WDR72: variants seen among roughly 807,000 people sequenced by gnomAD.
WDR72 encodes WD repeat domain 72, also known as WD repeat-containing protein 72.
A neutral mutation model predicts 124.2 loss-of-function variants in WDR72; 120 were observed. The ratio of observed to expected loss-of-function variants is 0.97; its 90% CI spans 0.83 to 1.12. The LOEUF (loss-of-function observed/expected upper bound fraction) is 1.12, where lower values mean the gene tolerates loss of function less well. WDR72 is among the 50% of genes most tolerant of loss of function. The pLI is 0.00. For missense variants in WDR72, 1,387 were observed against 1,278.8 expected, an observed-to-expected ratio of 1.08 and a Z score of -1.29; for synonymous variants, 452 against 441.7, an observed-to-expected ratio of 1.02 and a Z score of -0.29.
chr15:53,521,512 T>C (rs914190980), intron 19 of WDR72, among the ~76,000 whole-genome samples: 2 of 152,108 alleles, frequency 1.3e-5, no homozygotes, highest in Admixed American at 6.6e-5. Context: ...TGATGTCCGA[T>C]GTATAGAACG....
chr15:53,551,511 G>A (rs1893727341), intron 18 of WDR72, among the ~76,000 whole-genome samples: 1 of 152,040 alleles, frequency 6.6e-6, no homozygotes, highest in Non-Finnish European at 1.5e-5. Context: ...ATGCGTAAAG[G>A]AAGAAAGTCA....
At chr15:53,540,666 C>G (rs544175111) in intron 18 of WDR72, among the ~76,000 whole-genome samples, 8 of 152,088 alleles carry the variant, frequency 5.3e-5, no homozygotes, top group African/African-American at 1.9e-4. Flanking sequence ...ACGAACAGCT[C>G]CGGTCTACAG....
chr15:53,727,473 C>G (rs1341346845), intron 2 of WDR72, among the ~76,000 whole-genome samples: 2 of 150,962 alleles, frequency 1.3e-5, no homozygotes, highest in Non-Finnish European at 1.5e-5. Context: ...TGTTGTCAGA[C>G]TAACTTTTTA....
At position 53,585,901 on chromosome 15, in the gene WDR72, C is replaced by T. The variant is rs533422366; in HGVS notation, c.3148+11178G>A. On this transcript the variant is annotated intron_variant, in intron 18 of 19. Coordinates refer to ENST00000360509, the MANE Select transcript of WDR72 (RefSeq NM_182758.4). ...CTCTTTAAGAGGGATTTTAGCAGTA[C>T]GTCTCTTCATGTCTGCCACAAAATT... Among the ~76,000 whole-genome samples, 15 of 152,132 alleles carry T rather than the reference C, an allele frequency of 9.9e-5. No homozygotes were observed. In the South Asian group the frequency reaches 1.2e-3, roughly 13 times the overall value.
intron 14 of WDR72, among the ~76,000 whole-genome samples, chr15:53,646,997 C>A (rs2015065172): frequency 6.6e-6 from 1 of 152,012 alleles, no homozygotes; most frequent in Non-Finnish European, 1.5e-5. Context: ...TTTCTTGGTA[C>A]AATGCAAAGG....
chr15:53,756,806 C>T (rs1008210101), intron 1 of WDR72: 5 of 152,168 alleles, frequency 3.3e-5, no homozygotes, highest in East Asian at 3.9e-4. Flanking sequence ...AGTAACTTGC[C>T]GAAGGTCAGA....
chr15:53,671,142 G>A (rs1392195096), intron 13 of WDR72, among the ~76,000 whole-genome samples: 1 of 151,866 alleles, frequency 6.6e-6, no homozygotes, highest in Non-Finnish European at 1.5e-5. Context: ...TTTTTTAACT[G>A]GCGCTGCACT....
intron 1 of WDR72, among the ~76,000 whole-genome samples, chr15:53,745,722 T>C (rs936525765): frequency 6.6e-6 from 1 of 152,208 alleles, no homozygotes; most frequent in African/African-American, 2.4e-5. Flanking sequence ...GTAGGCATAG[T>C]AGGGTCTCTG....
intron 1 of WDR72, among the ~76,000 whole-genome samples, chr15:53,754,209 T>C (rs189837487): frequency 7.4e-4 from 112 of 152,266 alleles, no homozygotes; most frequent in African/African-American, 2.5e-3. Flanking sequence ...TGGAAGTGTA[T>C]GCATGGGCCA....
At chr15:53,617,413 T>G (rs2013811745) in intron 14 of WDR72, among the ~76,000 whole-genome samples, 1 of 151,626 alleles carries the variant, frequency 6.6e-6, no homozygotes, top group Non-Finnish European at 1.5e-5. Context: ...GTGTGTTGTG[T>G]TTTTGGTTTG....
intron 18 of WDR72, among the ~76,000 whole-genome samples, chr15:53,574,966 C>T (rs1273619405): frequency 6.6e-6 from 1 of 150,952 alleles, no homozygotes; most frequent in Non-Finnish European, 1.5e-5. Context: ...ACAAGCATTG[C>T]CCTAGAATAC....
In WDR72 at chr15:53,631,559, G is replaced by A. The variant is rs556098790; in HGVS notation, c.1963-15316C>T. Among the ~76,000 whole-genome samples the A allele has an allele frequency of 2.0e-5, 3 of 152,330 alleles. No individual in the cohort carries two copies. The East Asian group carries it at 5.8e-4, about 29-fold the overall frequency. The stretch of plus-strand genomic sequence containing the variant: ...TTGAAAGAGTATGGAGGCCTCAGAA[G>A]AAGACAGGAAGATGAGGGAAAATTT... On this transcript the variant is annotated intron_variant, in intron 14 of 19. Coordinates refer to ENST00000360509, the MANE Select transcript of WDR72 (RefSeq NM_182758.4).
intron 13 of WDR72, among the ~76,000 whole-genome samples, chr15:53,685,355 G>C (rs1382490771): frequency 7.8e-6 from 1 of 128,912 alleles, no homozygotes. Flanking sequence ...CCAATACAGA[G>C]AAGTGCTTAA....
chr15:53,575,938 C>T (rs1438581715), intron 18 of WDR72, among the ~76,000 whole-genome samples: 1 of 152,094 alleles, frequency 6.6e-6, no homozygotes, highest in Non-Finnish European at 1.5e-5. Context: ...ATCACTGGAG[C>T]CCACTGAGAC....
intron 14 of WDR72, among the ~76,000 whole-genome samples, chr15:53,655,859 A>G (rs933755539): frequency 1.3e-5 from 2 of 152,042 alleles, no homozygotes; most frequent in Admixed American, 1.3e-4. Context: ...CGCCTGACTA[A>G]TTTTTGTATT....
At chr15:53,541,371 C>A (rs920502733) in intron 18 of WDR72, among the ~76,000 whole-genome samples, 2 of 152,030 alleles carry the variant, frequency 1.3e-5, no homozygotes, top group Non-Finnish European at 2.9e-5. Flanking sequence ...AGGCACCCCC[C>A]AGCAGGGGCA....
chr15:53,586,700 G>A (rs1487626710), intron 18 of WDR72, among the ~76,000 whole-genome samples: 1 of 152,090 alleles, frequency 6.6e-6, no homozygotes, highest in African/African-American at 2.4e-5. Flanking sequence ...GCTAAGCTGT[G>A]AGGACATAAA....
At chr15:53,699,329 G>T (rs2017096332) in intron 13 of WDR72, among the ~76,000 whole-genome samples, 1 of 152,048 alleles carries the variant, frequency 6.6e-6, no homozygotes, top group Non-Finnish European at 1.5e-5. Flanking sequence ...CAACTTTTTG[G>T]AGTTTTATAA....
intron 18 of WDR72, among the ~76,000 whole-genome samples, chr15:53,580,025 T>C (rs1884228910): frequency 6.6e-6 from 1 of 152,062 alleles, no homozygotes; most frequent in Non-Finnish European, 1.5e-5. Context: ...TGGCTGGTAC[T>C]ACGGTAGGCT....
Sources: allele counts gnomAD v4.1 joint callset (sites outside exome capture counted in the v4.1 genomes callset), GRCh38; gene constraint gnomAD v4.1.1; transcripts MANE v1.5; gene names NCBI Gene and HGNC (gene_info 2026-07-23, HGNC 2026-07-21).